Variants in PKHD1 observed in about 807,000 individuals in gnomAD.
PKHD1 encodes the protein PKHD1 ciliary IPT domain containing fibrocystin/polyductin, also known as fibrocystin.
Under a neutral mutation model 412.0 loss-of-function variants are expected in PKHD1, and 291 were observed. The ratio of observed to expected loss-of-function variants is 0.71; its 90% CI spans 0.64 to 0.78. PKHD1 has a LOEUF of 0.78. Among genes scored for constraint, PKHD1 ranks in the 30% least tolerant of loss-of-function variants. The pLI is 0.00. For missense variants in PKHD1, 4,825 were observed against 4,950.7 expected (o/e 0.97, Z 0.76); for synonymous variants, 1,777 against 1,821.5 (o/e 0.98, Z 0.62).
At chr6:52,082,267 T>C in intron 4 of PKHD1, 125 bp downstream of exon 4, 3 of 986,126 alleles carry the variant, frequency 3.0e-6, no homozygotes, top group Non-Finnish European at 4.8e-6. Context: ...ACATGAAACT[T>C]TTTTTAACAA....
intron 36 of PKHD1, among the ~76,000 whole-genome samples, chr6:51,953,241 T>C (rs914312726): frequency 6.6e-6 from 1 of 152,102 alleles, no homozygotes; most frequent in Non-Finnish European, 1.5e-5. Context: ...TTTGCAACAA[T>C]GTTTCCAGCC....
At chr6:52,008,191 AC>A (rs1199061471) in intron 35 of PKHD1, among the ~76,000 whole-genome samples, 1 of 152,158 alleles carries the variant, frequency 6.6e-6, no homozygotes, top group Non-Finnish European at 1.5e-5. Flanking sequence ...CCCCACAATG[AC>A]TATAGCCACA....
At chr6:52,023,750 T>C (rs1383772732) in intron 32 of PKHD1, among the ~76,000 whole-genome samples, 1 of 152,128 alleles carries the variant, frequency 6.6e-6, no homozygotes, top group African/African-American at 2.4e-5. Flanking sequence ...TGCTCTTCCA[T>C]CATAAAAAAA....
intron 55 of PKHD1, among the ~76,000 whole-genome samples, chr6:51,764,847 C>A (rs1788707596): frequency 6.6e-6 from 1 of 152,008 alleles, no homozygotes; most frequent in Non-Finnish European, 1.5e-5. Context: ...AATCACGTCT[C>A]CACCCTCTGC....
intron 52 of PKHD1, among the ~76,000 whole-genome samples, chr6:51,827,517 C>T (rs770115573): frequency 1.4e-4 from 22 of 152,258 alleles, no homozygotes; most frequent in South Asian, 4.2e-4. Flanking sequence ...GTCGACAGCT[C>T]ATCCTATATC....
chr6:51,940,293 A>G (rs1788280134), intron 36 of PKHD1, among the ~76,000 whole-genome samples: 1 of 151,890 alleles, frequency 6.6e-6, no homozygotes, highest in Admixed American at 6.6e-5. Context: ...GTGTACTATA[A>G]TAGAGTAGAG....
chr6:51,980,210 G>T (rs541189811), intron 35 of PKHD1, among the ~76,000 whole-genome samples: 1 of 152,256 alleles, frequency 6.6e-6, no homozygotes, highest in Admixed American at 6.5e-5. Context: ...TTGCCTGAAA[G>T]TTTATAATTT....
chr6:52,052,277 C>A (rs566764043), intron 21 of PKHD1, among the ~76,000 whole-genome samples: 1 of 152,288 alleles, frequency 6.6e-6, no homozygotes, highest in Non-Finnish European at 1.5e-5. Context: ...CAAACTGCAC[C>A]ATTCTGCCTT....
At chr6:52,031,150 T>C (rs1016092452) in intron 29 of PKHD1, among the ~76,000 whole-genome samples, 12 of 152,220 alleles carry the variant, frequency 7.9e-5, no homozygotes, top group African/African-American at 2.7e-4. Context: ...ATTTTCATGA[T>C]TACCTTGAAA....
intron 60 of PKHD1, chr6:51,721,566 A>T: frequency 1.0e-6 from 1 of 1,000,058 alleles, no homozygotes; most frequent in Non-Finnish European, 1.2e-6. Flanking sequence ...AACACCACCA[A>T]TTTAATATCT....
intron 49 of PKHD1, among the ~76,000 whole-genome samples, chr6:51,852,490 T>G (rs911183654): frequency 3.3e-5 from 5 of 152,204 alleles, no homozygotes; most frequent in African/African-American, 1.2e-4. Flanking sequence ...TGTCTAATAC[T>G]GACAGTGGGG....
chr6:52,066,160 T>C, intron 11 of PKHD1, 83 bp from the exon 12 acceptor site: 2 of 659,158 alleles, frequency 3.0e-6, no homozygotes, highest in Non-Finnish European at 2.7e-6. Flanking sequence ...TAATAGGAGA[T>C]ATTAATAATT....
At chr6:52,076,513 T>C (rs928467638) in intron 5 of PKHD1, among the ~76,000 whole-genome samples, 180 bp from the exon 6 acceptor site, 2 of 152,224 alleles carry the variant, frequency 1.3e-5, no homozygotes, top group Non-Finnish European at 2.9e-5. Context: ...ACAGAAATGA[T>C]AGATATTATC....
rs763636475 is a variant in PKHD1, at chr6:51,883,140, T to G, written c.7303A>C (p.Asn2435His). 1 of 1,612,870 alleles carries G rather than the reference T, an allele frequency of 6.2e-7. No homozygotes were observed. The highest frequency in any genetic ancestry group is 8.5e-7 in the Non-Finnish European group (1 of 1,178,958). The change falls in exon 46 of 67, where the codon AAT (asparagine) becomes CAT (histidine). Residue 2435 changes from asparagine (N) to histidine (H), a missense_variant. By Grantham distance (68) the Asn-to-His change is moderately conservative. Coordinates refer to ENST00000371117, the MANE Select transcript of PKHD1 (RefSeq NM_138694.4). ...FGIDVLESDA[N>H]TSVTDSLLLG... is the part of the protein sequence containing the mutation. The stretch of plus-strand genomic sequence containing the variant: ...AATAAGCTGTCAGTAACTGAAGTAT[T>G]TGCATCACTTTCCAAGACGTCAATT...
At chr6:51,917,011 T>C (rs949639229) in intron 37 of PKHD1, among the ~76,000 whole-genome samples, 3 of 152,030 alleles carry the variant, frequency 2.0e-5, no homozygotes, top group African/African-American at 7.2e-5. Context: ...CAGAGCACCA[T>C]TCTTACTAAA....
chr6:51,648,021 C>T lies in PKHD1; in HGVS notation c.11398+10G>A. ...AACAGATATCTGAAATTTACAGATACTTTACCTACCTTTTAGCACTGAGTC... is the reference window on the plus strand; with the variant it reads ...AACAGATATCTGAAATTTACAGATATTTTACCTACCTTTTAGCACTGAGTC... On this transcript the variant is annotated intron_variant, in intron 63 of 66. Transcript: ENST00000371117. 2.0e-6 allele frequency: 3 copies of T among 1,496,604 alleles called. No homozygotes were observed. Among genetic ancestry groups the T allele is most frequent in the Non-Finnish European group, 2.8e-6 (3 of 1,072,626 alleles). The allele number at this position is 1,496,604 out of a possible 1,614,324, so 92.7% of individuals were successfully genotyped here.
At chr6:52,029,424 CAAAG>C (rs1292493032) in intron 29 of PKHD1, among the ~76,000 whole-genome samples, 1 of 152,070 alleles carries the variant, frequency 6.6e-6, no homozygotes, top group Admixed American at 6.5e-5. Flanking sequence ...ACTCTGCCCT[CAAAG>C]AAGCCTCAAC....
At chr6:52,085,487 T>A (rs1210871026) in intron 1 of PKHD1, among the ~76,000 whole-genome samples, 2 of 152,108 alleles carry the variant, frequency 1.3e-5, no homozygotes, top group African/African-American at 4.8e-5. Context: ...TGCTGGTCCC[T>A]TCCTGGATGC....
intron 43 of PKHD1, among the ~76,000 whole-genome samples, chr6:51,900,615 G>A (rs1781086047): frequency 6.6e-6 from 1 of 152,010 alleles, no homozygotes; most frequent in South Asian, 2.1e-4. Flanking sequence ...GCATGGGCAA[G>A]GACTTCATGT....
Sources: allele counts gnomAD v4.1 joint callset (sites outside exome capture counted in the v4.1 genomes callset), GRCh38; gene constraint gnomAD v4.1.1; transcripts MANE v1.5; gene names NCBI Gene and HGNC (gene_info 2026-07-23, HGNC 2026-07-21).